LPCAT1: variants seen among roughly 807,000 people sequenced by gnomAD.
LPCAT1 encodes the protein lysophosphatidylcholine acyltransferase 1, also known as 1-acylglycerol-3-phosphate O-acyltransferase.
A neutral mutation model predicts 60.9 loss-of-function variants in LPCAT1; 23 were observed. The ratio of observed to expected loss-of-function variants is 0.38; its 90% CI spans 0.27 to 0.53. The LOEUF (loss-of-function observed/expected upper bound fraction) is 0.53. Ranked by LOEUF, LPCAT1 falls within the 20% of genes least tolerant of loss-of-function variation. The pLI is 0.82. For missense variants in LPCAT1, 622 were observed against 723.6 expected (o/e 0.86, Z 1.61); for synonymous variants, 340 against 301.1 (o/e 1.13, Z -1.34).
intron 6 of LPCAT1, among the ~76,000 whole-genome samples, chr5:1,482,026 A>G (rs1247818391): frequency 6.6e-6 from 1 of 152,152 alleles, no homozygotes; most frequent in Non-Finnish European, 1.5e-5. Flanking sequence ...CTTTGCCATC[A>G]CAAAAAGGAA....
At chr5:1,505,129 C>G (rs1297921443) in intron 1 of LPCAT1, among the ~76,000 whole-genome samples, 1 of 149,918 alleles carries the variant, frequency 6.7e-6, no homozygotes, top group African/African-American at 2.5e-5. Context: ...GTAACCCACG[C>G]TGTTCCTGAA....
At chr5:1,518,245 G>A (rs575656294) in intron 1 of LPCAT1, among the ~76,000 whole-genome samples, 5 of 152,134 alleles carry the variant, frequency 3.3e-5, no homozygotes, top group South Asian at 4.1e-4. Flanking sequence ...GGTTTAAAGC[G>A]GAAAAAAAAC....
In LPCAT1 at chr5:1,461,692, G is replaced by A. The variant is rs1055853846; in HGVS notation, c.*1959C>T. 12 of 152,818 alleles carry A rather than the reference G, an allele frequency of 7.9e-5. No individual in the cohort carries two copies. The highest frequency in any genetic ancestry group is 2.9e-4 in the African/African-American group (12 of 41,462). The allele number at this position is 152,818 out of a possible 1,614,324, so 9.5% of individuals were successfully genotyped here. ...CACGAAGAGAAAAGAGAATCAGGAGGAACAAACATCCATTCAAAGTCTGTT... is the reference window on the plus strand; with the variant it reads ...CACGAAGAGAAAAGAGAATCAGGAGAAACAAACATCCATTCAAAGTCTGTT... On this transcript the variant is annotated 3_prime_UTR_variant, in exon 14 of 14. Coordinates refer to ENST00000283415, the MANE Select transcript of LPCAT1 (RefSeq NM_024830.5).
chr5:1,474,670 G>A lies in LPCAT1; in HGVS notation c.915C>T (p.Ser305=), dbSNP rs754275150. The change falls in exon 10 of 14, where the codon TCC becomes TCT. Residue 305 remains serine (S), a synonymous_variant. Transcript: ENST00000283415. Reference sequence around the variant, plus strand: ...AGTCCTCGAACGTGTAGTCAGTCACGGAGACACCCAAGGCCCTACAAGGAG... The same window carrying A: ...AGTCCTCGAACGTGTAGTCAGTCACAGAGACACCCAAGGCCCTACAAGGAG... The part of the protein sequence containing the change: ...RRVMAEALGV[S]VTDYTFEDCQ... 26 of 1,613,604 alleles carry A rather than the reference G, an allele frequency of 1.6e-5. No homozygotes were observed. In the South Asian group the frequency reaches 1.6e-4, roughly 10 times the overall value.
At chr5:1,474,226 G>C (rs1734806288) in intron 10 of LPCAT1, 116 bp from the exon 11 acceptor site, 2 of 1,191,872 alleles carry the variant, frequency 1.7e-6, no homozygotes, top group Non-Finnish European at 2.3e-6. Context: ...CAGCAAGCTA[G>C]TTTTCAAGAA....
At chr5:1,500,933 G>A (rs1735981149) in intron 2 of LPCAT1, among the ~76,000 whole-genome samples, 1 of 152,210 alleles carries the variant, frequency 6.6e-6, no homozygotes, top group Admixed American at 6.5e-5. Flanking sequence ...ACTGAGGCAG[G>A]GACCTCCCTA....
intron 2 of LPCAT1, among the ~76,000 whole-genome samples, chr5:1,499,431 G>A (rs746293597): frequency 2.0e-5 from 3 of 152,220 alleles, no homozygotes; most frequent in Non-Finnish European, 4.4e-5. Context: ...CCACTTTCTA[G>A]CTGTGGCTTC....
chr5:1,484,570 T>C (rs1363173844), intron 5 of LPCAT1, among the ~76,000 whole-genome samples: 3 of 152,154 alleles, frequency 2.0e-5, no homozygotes, highest in Non-Finnish European at 4.4e-5. Context: ...TTGCGGTTGG[T>C]CCTGGCTGCG....
In LPCAT1 at chr5:1,487,199, G is replaced by A. The variant is rs1166408871; in HGVS notation, c.667+1192C>T. Among the ~76,000 whole-genome samples, 4 of 152,182 alleles carry A rather than the reference G, an allele frequency of 2.6e-5. No individual in the cohort carries two copies. The East Asian group carries it at 7.7e-4, about 29-fold the overall frequency. On this transcript the variant is annotated intron_variant, in intron 5 of 13. Coordinates refer to ENST00000283415, the MANE Select transcript of LPCAT1 (RefSeq NM_024830.5). This position sits in a 1 kb window ranked among gnomAD's most constrained non-coding sequence, Gnocchi z 6.1. The stretch of plus-strand genomic sequence containing the variant: ...GTACTTGCCAGCTGTCTTCTGCCTG[G>A]GGCCTTGGAAACACGGCCCACTTTT...
chr5:1,506,282 C>T (rs953266932), intron 1 of LPCAT1, among the ~76,000 whole-genome samples: 5 of 152,234 alleles, frequency 3.3e-5, no homozygotes, highest in Non-Finnish European at 2.9e-5. Flanking sequence ...TCTGCCTTCA[C>T]CTCACCCAGC....
intron 1 of LPCAT1, among the ~76,000 whole-genome samples, chr5:1,506,780 A>G (rs1469381461): frequency 1.3e-5 from 2 of 152,226 alleles, no homozygotes; most frequent in Non-Finnish European, 1.5e-5. Context: ...AAGTGGAGGC[A>G]CCGGGCACAG....
chr5:1,464,498 G>C (rs1434342860), intron 13 of LPCAT1, among the ~76,000 whole-genome samples: 2 of 152,068 alleles, frequency 1.3e-5, no homozygotes, highest in African/African-American at 4.8e-5. Context: ...ACATCAAAGA[G>C]CCCGAACACA....
chr5:1,466,481 G>A (rs1439777991), intron 13 of LPCAT1, among the ~76,000 whole-genome samples: 1 of 152,226 alleles, frequency 6.6e-6, no homozygotes, highest in African/African-American at 2.4e-5. Flanking sequence ...CCAGCCTGAG[G>A]CCATGGAAGG....
At position 1,481,105 on chromosome 5, in the gene LPCAT1, G is replaced by A. The variant is rs1426752177; in HGVS notation, c.727-129C>T. ...GGCGCTGCAGCCAGGGGGAAGGGAG[G>A]AGGGTGCTAGAGCTCCAGCTTCCCA... On this transcript the variant is annotated intron_variant, in intron 6 of 13. Transcript: ENST00000283415. The surrounding 1 kb of genome is among the most constrained non-coding windows in gnomAD (Gnocchi z 7.8). 1 of 1,127,470 alleles carries A rather than the reference G, an allele frequency of 8.9e-7. No homozygotes were observed. The highest frequency in any genetic ancestry group is 1.5e-5 in the African/African-American group (1 of 65,518). 69.8% of individuals were successfully genotyped at this position (1,127,470 alleles called of 1,614,324 possible).
chr5:1,509,357 T>C lies in LPCAT1; in HGVS notation c.136-7754A>G, dbSNP rs915041118. Among the ~76,000 whole-genome samples, 22 of 152,252 alleles carry C rather than the reference T, an allele frequency of 1.4e-4. 1 individual carries two copies. The highest frequency in any genetic ancestry group is 2.9e-5 in the Non-Finnish European group (2 of 68,050). On this transcript the variant is annotated intron_variant, in intron 1 of 13. Coordinates refer to ENST00000283415, the MANE Select transcript of LPCAT1 (RefSeq NM_024830.5). ...CCCAACTCCACAGGATATGCGACAGTGCGCTTGCAAATCCACGAGAGAACG... is the reference window on the plus strand; with the variant it reads ...CCCAACTCCACAGGATATGCGACAGCGCGCTTGCAAATCCACGAGAGAACG...
rs1735424798 is a variant in LPCAT1 at position 1,487,761 on chromosome 5, G to A, written c.667+630C>T. On this transcript the variant is annotated intron_variant, in intron 5 of 13. Transcript: ENST00000283415. The surrounding 1 kb of genome is among the most constrained non-coding windows in gnomAD (Gnocchi z 6.1). The stretch of plus-strand genomic sequence containing the variant: ...GCCCAAGGGAGACGACAGGATCCAG[G>A]TGGACCCTCTGACACGCCCAAGGGT... Among the ~76,000 whole-genome samples, 1 of 152,134 alleles carries A rather than the reference G, an allele frequency of 6.6e-6. No homozygotes were observed. The highest frequency in any genetic ancestry group is 1.5e-5 in the Non-Finnish European group (1 of 68,036).
At chr5:1,500,829 G>A (rs1463380340) in intron 2 of LPCAT1, among the ~76,000 whole-genome samples, 7 of 152,216 alleles carry the variant, frequency 4.6e-5, no homozygotes, top group African/African-American at 1.7e-4. Flanking sequence ...CCGAGCAGCC[G>A]TTCCCCTCAT....
In LPCAT1 at chr5:1,463,189, G is replaced by A. The variant is rs1734174450; in HGVS notation, c.*462C>T. ...ACACTGAAAAATCAGGTGACGGCTC[G>A]GCTCTGCCAGGCTGTGGATCCACAG... On this transcript the variant is annotated 3_prime_UTR_variant, in exon 14 of 14. Transcript: ENST00000283415. 5 of 157,144 alleles carry A rather than the reference G, an allele frequency of 3.2e-5. No individual in the cohort carries two copies. In the Admixed American group the frequency reaches 3.2e-4, roughly 10 times the overall value. 9.7% of individuals were successfully genotyped at this position (157,144 alleles called of 1,614,324 possible).
Position 1,476,846 on chromosome 5 carries a change from G to C in LPCAT1, c.899+558C>G, listed in dbSNP as rs1386943829. 6.6e-6 allele frequency among the ~76,000 whole-genome samples: 1 copy of C among 150,446 alleles called. No individual in the cohort carries two copies. Among genetic ancestry groups the C allele is most frequent in the Non-Finnish European group, 1.5e-5 (1 of 67,970 alleles). ...CTGACGACACCGAGGGAGGGAGAGG[G>C]GGAGGGCGTGTGAGCCGACAGCACT... On this transcript the variant is annotated intron_variant, in intron 9 of 13. Transcript: ENST00000283415. The surrounding 1 kb of genome is among the most constrained non-coding windows in gnomAD (Gnocchi z 8.6).
Sources: allele counts gnomAD v4.1 joint callset (sites outside exome capture counted in the v4.1 genomes callset), GRCh38; gene constraint gnomAD v4.1.1; non-coding constraint Gnocchi (gnomAD v3.1); transcripts MANE v1.5; gene names NCBI Gene and HGNC (gene_info 2026-07-23, HGNC 2026-07-21).